NELL1: variants seen among roughly 807,000 people sequenced by gnomAD.
NELL1 encodes protein kinase C-binding protein NELL1.
NELL1 carries 76 observed loss-of-function variants against 107.4 expected under a neutral mutation model. The observed-to-expected ratio is 0.71, with a 90% CI of 0.59 to 0.86. NELL1 has a LOEUF of 0.86. Among genes scored for constraint, NELL1 ranks in the 40% least tolerant of loss-of-function variants. The pLI is 0.00. For synonymous variants in NELL1, 353 were observed against 341.2 expected (o/e 1.03, Z -0.38); for missense variants, 1,024 against 1,005.5 (o/e 1.02, Z -0.25).
chr11:21,041,933 G>A, intron 12 of NELL1, among the ~76,000 whole-genome samples: 1 of 152,206 alleles, frequency 6.6e-6, no homozygotes, highest in East Asian at 1.9e-4. Context: ...GGATTCTAAG[G>A]TACAGGTTCT....
intron 9 of NELL1, among the ~76,000 whole-genome samples, chr11:20,936,514 A>AT (rs1850728653): frequency 6.6e-6 from 1 of 152,118 alleles, no homozygotes; most frequent in Admixed American, 6.6e-5. Flanking sequence ...TGAAAGCCCC[A>AT]TTTCTCACCT....
chr11:21,214,071 T>A (rs1857561620), intron 13 of NELL1, among the ~76,000 whole-genome samples: 1 of 152,148 alleles, frequency 6.6e-6, no homozygotes, highest in African/African-American at 2.4e-5. Flanking sequence ...AAATCCCATA[T>A]CCAATAAAGG....
intron 2 of NELL1, among the ~76,000 whole-genome samples, chr11:20,722,430 G>A (rs1473898939): frequency 1.3e-5 from 2 of 152,162 alleles, no homozygotes; most frequent in Non-Finnish European, 2.9e-5. Flanking sequence ...TGGGCAACTT[G>A]GTTATGTATA....
At chr11:20,851,089 C>T (rs1848787141) in intron 4 of NELL1, among the ~76,000 whole-genome samples, 1 of 152,084 alleles carries the variant, frequency 6.6e-6, no homozygotes, top group African/African-American at 2.4e-5. Context: ...GGAGTCTTCC[C>T]AAGGGAGAGA....
intron 14 of NELL1, among the ~76,000 whole-genome samples, chr11:21,250,372 T>C (rs1479390020): frequency 1.3e-5 from 2 of 152,146 alleles, no homozygotes; most frequent in African/African-American, 4.8e-5. Flanking sequence ...GGCCTTTCAG[T>C]TTAGGGCTAT....
chr11:20,936,769 T>A (rs966506704), intron 9 of NELL1, among the ~76,000 whole-genome samples: 1 of 152,224 alleles, frequency 6.6e-6, no homozygotes, highest in Non-Finnish European at 1.5e-5. Context: ...GAATGAAGAA[T>A]AACTGAGCAT....
intron 15 of NELL1, among the ~76,000 whole-genome samples, chr11:21,396,438 G>C (rs76159416): frequency 6.6e-6 from 1 of 151,636 alleles, no homozygotes; most frequent in South Asian, 2.1e-4. Flanking sequence ...TTTTATCTCA[G>C]CAAGACAGAA....
rs147076686 is a variant in NELL1, at chr11:21,558,293, T to TA, written c.1787-1887dup. ...TCTTTGTGGATCTCCCGTTGCTTTTTAAAAAAAAATCAGTTGACAAATACA... is the reference window on the plus strand; with the variant it reads ...TCTTTGTGGATCTCCCGTTGCTTTTTAAAAAAAAAATCAGTTGACAAATACA... On this transcript the variant is annotated intron_variant, in intron 16 of 19. Coordinates refer to ENST00000357134, the MANE Select transcript of NELL1 (RefSeq NM_006157.5). Among the ~76,000 whole-genome samples, 573 of 151,312 alleles carry TA rather than the reference T, an allele frequency of 3.8e-3. 6 individuals carry two copies. Among genetic ancestry groups the TA allele is most frequent in the African/African-American group, 0.013 (528 of 41,298 alleles).
intron 2 of NELL1, among the ~76,000 whole-genome samples, chr11:20,679,203 TAAG>T (rs1854133957): frequency 6.6e-6 from 1 of 152,202 alleles, no homozygotes; most frequent in African/African-American, 2.4e-5. Context: ...TTACCTGTTT[TAAG>T]TATTACTCTT....
intron 12 of NELL1, among the ~76,000 whole-genome samples, chr11:21,073,702 T>A (rs1854069323): frequency 6.6e-6 from 1 of 152,130 alleles, no homozygotes; most frequent in Non-Finnish European, 1.5e-5. Context: ...GAAGTAGCAT[T>A]TGCAATGAGA....
chr11:21,468,902 G>C (rs1343151549), intron 15 of NELL1, among the ~76,000 whole-genome samples: 1 of 152,050 alleles, frequency 6.6e-6, no homozygotes, highest in Admixed American at 6.6e-5. Flanking sequence ...ACTCTGCCTA[G>C]CATGACAGGG....
At chr11:21,297,895 G>A (rs776515403) in intron 14 of NELL1, among the ~76,000 whole-genome samples, 2 of 151,952 alleles carry the variant, frequency 1.3e-5, no homozygotes, top group South Asian at 4.1e-4. Flanking sequence ...AGGGACAGAA[G>A]GAGGGAGGGA....
chr11:20,838,187 A>G (rs1848566575), intron 3 of NELL1, among the ~76,000 whole-genome samples: 1 of 151,568 alleles, frequency 6.6e-6, no homozygotes, highest in South Asian at 2.1e-4. Context: ...TATAATTATG[A>G]GAAAAATTAG....
At chr11:21,326,846 G>A (rs1027613153) in intron 14 of NELL1, among the ~76,000 whole-genome samples, 4 of 151,430 alleles carry the variant, frequency 2.6e-5, no homozygotes, top group African/African-American at 9.7e-5. Context: ...TCTTATGATT[G>A]GATGGTTAAT....
intron 14 of NELL1, among the ~76,000 whole-genome samples, chr11:21,278,229 A>G (rs970327372): frequency 2.0e-5 from 3 of 152,212 alleles, no homozygotes; most frequent in African/African-American, 7.2e-5. Context: ...AATTAGGAAG[A>G]AGGCAAGTAT....
At chr11:20,909,803 C>G (rs866435820) in intron 5 of NELL1, among the ~76,000 whole-genome samples, 1 of 151,966 alleles carries the variant, frequency 6.6e-6, no homozygotes, top group Non-Finnish European at 1.5e-5. Flanking sequence ...AGTTTTCATT[C>G]GGTTGTTTGA....
At chr11:21,574,900 G>C in intron 19 of NELL1, 72 bp from the exon 20 acceptor site, 1 of 1,280,340 alleles carries the variant, frequency 7.8e-7, no homozygotes, top group Non-Finnish European at 1.1e-6. Flanking sequence ...GTTGTTTTGA[G>C]TATAAAAATT....
intron 18 of NELL1, among the ~76,000 whole-genome samples, chr11:21,572,432 C>T (rs1443740228): frequency 1.4e-5 from 2 of 143,928 alleles, no homozygotes; most frequent in African/African-American, 2.9e-5. Flanking sequence ...TATACCTACA[C>T]AAAGCCCACA....
Position 20,677,908 on chromosome 11 carries a change from A to G in NELL1, c.56-24A>G, listed in dbSNP as rs745891207. The G allele has an allele frequency of 2.5e-5, 40 of 1,612,636 alleles. No individual in the cohort carries two copies. In the Admixed American group the frequency reaches 6.5e-4, roughly 26 times the overall value. On this transcript the variant is annotated intron_variant, in intron 1 of 19. Coordinates refer to ENST00000357134, the MANE Select transcript of NELL1 (RefSeq NM_006157.5). The stretch of plus-strand genomic sequence containing the variant: ...TAGTAACAGTCTGCATTTTAAGCCC[A>G]AACAACTCTTTGTTCCTTTCCAGTG...
Sources: allele counts gnomAD v4.1 joint callset (sites outside exome capture counted in the v4.1 genomes callset), GRCh38; gene constraint gnomAD v4.1.1; transcripts MANE v1.5; gene names NCBI Gene and HGNC (gene_info 2026-07-23, HGNC 2026-07-21).